Variants in ANKFN1 observed in about 807,000 individuals in gnomAD.
ANKFN1 encodes the protein ankyrin repeat and fibronectin type-III domain-containing protein 1.
ANKFN1 carries 74 observed loss-of-function variants against 108.7 expected under a neutral mutation model. The observed-to-expected ratio is 0.68, with a 90% CI of 0.56 to 0.83. The LOEUF (loss-of-function observed/expected upper bound fraction) is 0.83. Among genes scored for constraint, ANKFN1 ranks in the 40% least tolerant of loss-of-function variants. ANKFN1 has a pLI of 0.00. For missense variants in ANKFN1, 1,505 were observed against 1,382.3 expected (o/e 1.09, Z -1.41); for synonymous variants, 547 against 516.2 (o/e 1.06, Z -0.81).
At chr17:56,240,800 A>G (rs191141256) in intron 3 of ANKFN1, among the ~76,000 whole-genome samples, 347 of 151,960 alleles carry the variant, frequency 2.3e-3, no homozygotes, top group African/African-American at 7.9e-3. Context: ...ATCTTTTAAT[A>G]TGTTTCTTGG....
intron 1 of ANKFN1, among the ~76,000 whole-genome samples, chr17:56,202,641 G>T (rs1477127902): frequency 3.3e-5 from 5 of 151,894 alleles, no homozygotes; most frequent in African/African-American, 1.2e-4. Context: ...TAAATATTCT[G>T]CCTCCTCCAA....
At chr17:56,230,217 G>A (rs549195326) in intron 3 of ANKFN1, among the ~76,000 whole-genome samples, 14 of 152,134 alleles carry the variant, frequency 9.2e-5, no homozygotes, top group African/African-American at 3.1e-4. Context: ...CTCCATAGAG[G>A]AATAAGGCTG....
intron 3 of ANKFN1, among the ~76,000 whole-genome samples, chr17:56,281,549 A>G (rs992951972): frequency 3.9e-5 from 6 of 152,194 alleles, no homozygotes; most frequent in African/African-American, 1.2e-4. Context: ...TAAAGACTCC[A>G]TTTAAAAATA....
chr17:56,177,313 C>T (rs1366687063), intron 1 of ANKFN1, among the ~76,000 whole-genome samples: 1 of 152,202 alleles, frequency 6.6e-6, no homozygotes, highest in East Asian at 1.9e-4. Flanking sequence ...GTGTGCATGC[C>T]CTTCTGCCAC....
At chr17:56,281,461 A>T (rs2044081027) in intron 3 of ANKFN1, among the ~76,000 whole-genome samples, 1 of 152,220 alleles carries the variant, frequency 6.6e-6, no homozygotes, top group African/African-American at 2.4e-5. Context: ...AAAATATAAG[A>T]TAAACCATTT....
intron 14 of ANKFN1, among the ~76,000 whole-genome samples, chr17:56,458,583 T>C (rs2049794174): frequency 6.6e-6 from 1 of 152,230 alleles, no homozygotes; most frequent in African/African-American, 2.4e-5. Context: ...CCAATCTTTG[T>C]AGGTTACAGA....
At chr17:56,192,296 C>T (rs1238966383) in intron 1 of ANKFN1, among the ~76,000 whole-genome samples, 8 of 137,824 alleles carry the variant, frequency 5.8e-5, no homozygotes, top group Non-Finnish European at 1.2e-4. Flanking sequence ...ACCATAAAAA[C>T]CCTAGAAGAA....
chr17:56,071,627 T>C (rs1215296402), intron 4 of ANKFN1, among the ~76,000 whole-genome samples: 1 of 152,204 alleles, frequency 6.6e-6, no homozygotes, highest in Non-Finnish European at 1.5e-5. Context: ...GTTTTTTGTT[T>C]GTTTGTTTGT....
At chr17:56,478,871 C>T (rs1383330480) in intron 16 of ANKFN1, among the ~76,000 whole-genome samples, 1 of 152,080 alleles carries the variant, frequency 6.6e-6, no homozygotes, top group Non-Finnish European at 1.5e-5. Flanking sequence ...TAAAATGTGA[C>T]CCCTAAAGTG....
At chr17:56,221,473 G>C (rs1244878720) in intron 2 of ANKFN1, among the ~76,000 whole-genome samples, 1 of 152,144 alleles carries the variant, frequency 6.6e-6, no homozygotes, top group Non-Finnish European at 1.5e-5. Flanking sequence ...GAATCAAACA[G>C]AGCCTTATAC....
chr17:56,497,093 G>A (rs544160084), intron 19 of ANKFN1, among the ~76,000 whole-genome samples: 1 of 152,206 alleles, frequency 6.6e-6, no homozygotes, highest in South Asian at 2.1e-4. Flanking sequence ...GCTATCCACA[G>A]TCATGCGGTG....
chr17:56,453,481 G>A (rs1250401292), intron 11 of ANKFN1, among the ~76,000 whole-genome samples: 2 of 152,102 alleles, frequency 1.3e-5, no homozygotes, highest in African/African-American at 4.8e-5. Flanking sequence ...TGCTTTAGAT[G>A]TTTCTATTGC....
chr17:56,164,964 C>A (rs116956485), intron 1 of ANKFN1, among the ~76,000 whole-genome samples: 21 of 152,192 alleles, frequency 1.4e-4, no homozygotes, highest in African/African-American at 5.1e-4. Context: ...CAAAAGGCAT[C>A]AAACCTGGTC....
chr17:56,422,418 C>T (rs971963203), intron 8 of ANKFN1, among the ~76,000 whole-genome samples: 1 of 151,902 alleles, frequency 6.6e-6, no homozygotes, highest in African/African-American at 2.4e-5. Context: ...TTAGCCAAAC[C>T]CCCACCCCTG....
At chr17:56,263,028 G>T (rs972542347) in intron 3 of ANKFN1, among the ~76,000 whole-genome samples, 3 of 152,202 alleles carry the variant, frequency 2.0e-5, no homozygotes, top group African/African-American at 2.4e-5. Context: ...TAGCGGAAAG[G>T]TTGAGTCACA....
At chr17:56,273,127 G>A (rs776160176) in intron 3 of ANKFN1, among the ~76,000 whole-genome samples, 4 of 152,028 alleles carry the variant, frequency 2.6e-5, no homozygotes, top group Non-Finnish European at 5.9e-5. Context: ...AAAATACTTT[G>A]GTGTTTCCTT....
At chr17:56,171,828 A>G (rs545075299) in intron 1 of ANKFN1, among the ~76,000 whole-genome samples, 1 of 152,318 alleles carries the variant, frequency 6.6e-6, no homozygotes, top group East Asian at 1.9e-4. Context: ...CTACCCAGAC[A>G]TACCCTGAGG....
chr17:56,396,862 A>G (rs1363784725), intron 8 of ANKFN1, among the ~76,000 whole-genome samples: 1 of 152,036 alleles, frequency 6.6e-6, no homozygotes, highest in Non-Finnish European at 1.5e-5. Context: ...GGACTACACT[A>G]TCCCACCAGC....
At chr17:56,068,667 C>T (rs1905088141) in intron 4 of ANKFN1, among the ~76,000 whole-genome samples, 1 of 152,184 alleles carries the variant, frequency 6.6e-6, no homozygotes, top group African/African-American at 2.4e-5. Flanking sequence ...CTCAAGACTC[C>T]TTAGCAGCAC....
Sources: allele counts gnomAD v4.1 joint callset (sites outside exome capture counted in the v4.1 genomes callset), GRCh38; gene constraint gnomAD v4.1.1; transcripts MANE v1.5; gene names NCBI Gene and HGNC (gene_info 2026-07-23, HGNC 2026-07-21).